The following ATRX variants were observed in gnomAD, a reference collection of about 807,000 sequenced individuals.
The protein encoded by ATRX is ATRX chromatin remodeler.
ATRX carries 12 observed loss-of-function variants against 172.6 expected under a neutral mutation model. The ratio of observed to expected loss-of-function variants is 0.07; its 90% confidence interval spans 0.04 to 0.11. The LOEUF (loss-of-function observed/expected upper bound fraction) is 0.11, where lower values mean the gene tolerates loss of function less well. Among genes scored for constraint, ATRX ranks in the 10% least tolerant of loss-of-function variants. ATRX has a pLI of 1.00. For synonymous variants in ATRX, 674 were observed against 594.7 expected (o/e 1.13, Z -1.94); for missense variants, 1,368 against 1,767.4 (o/e 0.77, Z 4.05).
intron 1 of ATRX, among the ~76,000 whole-genome samples, chrX:77,748,871 G>C (rs970281911): frequency 9.0e-6 from 1 of 111,654 alleles, no homozygotes; most frequent in Non-Finnish European, 1.9e-5. Flanking sequence ...ATAGGCATAA[G>C]CAACAGCACC....
chrX:77,526,845 C>T (rs1331286341), intron 30 of ATRX, among the ~76,000 whole-genome samples: 1 of 112,103 alleles, frequency 8.9e-6, no homozygotes, highest in Non-Finnish European at 1.9e-5. Flanking sequence ...AGATTTAAAA[C>T]CTATCCTATC....
At chrX:77,711,855 A>C (rs192471278) in intron 2 of ATRX, among the ~76,000 whole-genome samples, 9 of 112,036 alleles carry the variant, frequency 8.0e-5, no homozygotes, top group Admixed American at 2.8e-4. Flanking sequence ...AACCAACCAA[A>C]CAAACAGATA....
chrX:77,650,946 T>C (rs1265236558), intron 15 of ATRX, among the ~76,000 whole-genome samples: 4 of 111,731 alleles, frequency 3.6e-5, no homozygotes, highest in Admixed American at 9.5e-5. Context: ...AGTTTAATAA[T>C]GGCACTGCAG....
Position 77,636,076 on chromosome X carries a change from T to C in ATRX, c.4558-20A>G, listed in dbSNP as rs2068334032. ...TATCACCTACAAGAAAAGGAGTTGT[T>C]GATAGTTAAGCTCAAAGAAATCATT... On this transcript the variant is annotated intron_variant, in intron 15 of 34. Transcript: ENST00000373344. 8.3e-7 allele frequency: 1 copy of C among 1,207,467 alleles called. No individual in the cohort carries two copies. The highest frequency in any genetic ancestry group is 1.1e-6 in the Non-Finnish European group (1 of 892,121).
intron 22 of ATRX, among the ~76,000 whole-genome samples, chrX:77,604,794 T>C (rs1213846653): frequency 1.8e-5 from 2 of 112,553 alleles, no homozygotes; most frequent in Non-Finnish European, 3.8e-5. Context: ...GTGGTATATA[T>C]ACACAGTGGA....
chrX:77,709,139 C>T (rs1359044498), intron 2 of ATRX, among the ~76,000 whole-genome samples: 1 of 111,425 alleles, frequency 9.0e-6, no homozygotes, highest in Non-Finnish European at 1.9e-5. Flanking sequence ...GAGGCTGAGG[C>T]AGGAGGATCA....
chrX:77,724,593 G>C (rs1301750205), intron 1 of ATRX, among the ~76,000 whole-genome samples: 1 of 110,953 alleles, frequency 9.0e-6, no homozygotes, highest in Non-Finnish European at 1.9e-5. Context: ...TTTTCACTTA[G>C]AGTCAAATAT....
At chrX:77,588,637 G>T (rs2148080691) in intron 27 of ATRX, among the ~76,000 whole-genome samples, 1 of 110,142 alleles carries the variant, frequency 9.1e-6, no homozygotes, top group African/African-American at 3.3e-5. Flanking sequence ...AAAAGAAAGT[G>T]ATACAGATCA....
chrX:77,681,765 T>C lies in ATRX; in HGVS notation c.3491A>G (p.Asp1164Gly), dbSNP rs1557137305. Residue 1164 changes from aspartate to glycine, a missense_variant, in exon 9 of 35, where the codon GAT becomes GGT. By Grantham distance (94) the Asp-to-Gly change is moderately conservative. Coordinates refer to ENST00000373344, the MANE Select transcript of ATRX (RefSeq NM_000489.6). Reference sequence around the variant, plus strand: ...AGTTCTTTGCTTCTTCTTTTTATTATCTTCAGAACTTTCCTCAGCATCAGA... The same window carrying C: ...AGTTCTTTGCTTCTTCTTTTTATTACCTTCAGAACTTTCCTCAGCATCAGA... Reference protein sequence around the residue: ...SSSDAEESSEDNKKKKQRTSS... With the variant: ...SSSDAEESSEGNKKKKQRTSS... 1 of 1,198,450 alleles carries C rather than the reference T, an allele frequency of 8.3e-7. No individual in the cohort carries two copies. The highest frequency in any genetic ancestry group is 1.1e-6 in the Non-Finnish European group (1 of 891,888).
At chrX:77,618,516 A>C in intron 21 of ATRX, among the ~76,000 whole-genome samples, 1 of 111,870 alleles carries the variant, frequency 8.9e-6, no homozygotes, top group Admixed American at 9.5e-5. Context: ...GTTCCTCTTA[A>C]GGAACTCCCT....
intron 22 of ATRX, among the ~76,000 whole-genome samples, chrX:77,603,987 T>C (rs782511795): frequency 2.2e-4 from 25 of 112,253 alleles, no homozygotes; most frequent in African/African-American, 7.8e-4. Flanking sequence ...CAACTCAAGA[T>C]AGATTAAAGA....
At chrX:77,770,381 C>T (rs782700852) in intron 1 of ATRX, among the ~76,000 whole-genome samples, 5 of 110,577 alleles carry the variant, frequency 4.5e-5, no homozygotes, top group South Asian at 3.8e-4. Flanking sequence ...GCATTACAGG[C>T]GTGAGCCACC....
chrX:77,778,783 G>A (rs2076456908), intron 1 of ATRX, among the ~76,000 whole-genome samples: 1 of 109,889 alleles, frequency 9.1e-6, no homozygotes, highest in Non-Finnish European at 1.9e-5. Flanking sequence ...TTTAAAATTC[G>A]ATGTTGACCT....
chrX:77,678,754 G>A (rs1557135287), intron 9 of ATRX, among the ~76,000 whole-genome samples: 1 of 110,640 alleles, frequency 9.0e-6, no homozygotes, highest in African/African-American at 3.3e-5. Flanking sequence ...CTCCCAAAGT[G>A]CTGGGATTAC....
At chrX:77,656,438 C>G in intron 13 of ATRX, 122 bp downstream of exon 13, 1 of 541,081 alleles carries the variant, frequency 1.8e-6, no homozygotes, top group East Asian at 3.7e-5. Flanking sequence ...CAATTAGTTT[C>G]AAATCAAAAT....
chrX:77,648,806 T>G (rs1187964995), intron 15 of ATRX, among the ~76,000 whole-genome samples: 2 of 111,084 alleles, frequency 1.8e-5, no homozygotes, highest in Non-Finnish European at 3.8e-5. Flanking sequence ...GAAAAATTCC[T>G]TAAGTTTGAA....
chrX:77,670,274 T>C (rs2070486968), intron 10 of ATRX, among the ~76,000 whole-genome samples: 2 of 112,032 alleles, frequency 1.8e-5, no homozygotes, highest in African/African-American at 6.5e-5. Flanking sequence ...ATAAATAAGA[T>C]AATGGGTTTA....
At chrX:77,716,318 AAAAAAATATATAT>A (rs2073409544) in intron 2 of ATRX, among the ~76,000 whole-genome samples, 1 of 60,281 alleles carries the variant, frequency 1.7e-5, no homozygotes, top group Non-Finnish European at 3.3e-5. Context: ...AAAAAAAAAA[AAAAAAATATATAT>A]ATATATATAT....
At chrX:77,581,763 T>G (rs782010102) in intron 27 of ATRX, among the ~76,000 whole-genome samples, 10 of 112,202 alleles carry the variant, frequency 8.9e-5, no homozygotes, top group Non-Finnish European at 1.7e-4. Flanking sequence ...ATGTGGATCA[T>G]CCATATGTTA....
Sources: allele counts gnomAD v4.1 joint callset (sites outside exome capture counted in the v4.1 genomes callset), GRCh38; gene constraint gnomAD v4.1.1; transcripts MANE v1.5; gene names NCBI Gene and HGNC (gene_info 2026-07-23, HGNC 2026-07-21).